PPDPFL: variants seen among roughly 807,000 people sequenced by gnomAD.
The protein encoded by PPDPFL is pancreatic progenitor cell differentiation and proliferation factor like, also known as pancreatic progenitor cell differentiation and proliferation factor-like protein.
Under a neutral mutation model 12.6 loss-of-function variants are expected in PPDPFL, and 12 were observed. The ratio of observed to expected loss-of-function variants is 0.95; its 90% CI spans 0.61 to 1.54. The LOEUF (loss-of-function observed/expected upper bound fraction) is 1.54, where lower values mean the gene tolerates loss of function less well. PPDPFL is among the 40% of genes most tolerant of loss of function. The probability of loss-of-function intolerance (pLI) is 0.00; values close to 1 mark genes in which losing one functional copy is unlikely to be tolerated. For missense variants in PPDPFL, 114 were observed against 96.0 expected, an observed-to-expected ratio of 1.19 and a Z score of -0.78; for synonymous variants, 24 against 32.7, an observed-to-expected ratio of 0.73 and a Z score of 0.91.
At chr8:49,057,258 C>CTAG (rs1808125081) in intron 1 of PPDPFL, among the ~76,000 whole-genome samples, 1 of 152,054 alleles carries the variant, frequency 6.6e-6, no homozygotes, top group African/African-American at 2.4e-5. Context: ...AAATATTTAT[C>CTAG]AACATTTTTA....
upstream of PPDPFL, among the ~76,000 whole-genome samples, chr8:49,070,355 G>C (rs1808358399): frequency 6.6e-6 from 1 of 152,192 alleles, no homozygotes; most frequent in Admixed American, 6.5e-5. Flanking sequence ...CGTGTTACCT[G>C]TGTAACAAAC....
intron 1 of PPDPFL, among the ~76,000 whole-genome samples, chr8:49,062,593 A>G (rs1267069045): frequency 6.6e-6 from 1 of 152,178 alleles, no homozygotes; most frequent in Non-Finnish European, 1.5e-5. Flanking sequence ...ATAGAGTAGG[A>G]AACCCTACTT....
At chr8:49,061,419 G>T (rs1485175203) in intron 1 of PPDPFL, among the ~76,000 whole-genome samples, 3 of 152,130 alleles carry the variant, frequency 2.0e-5, no homozygotes, top group African/African-American at 7.2e-5. Flanking sequence ...AATGTCTCTT[G>T]TTTAAGTCCC....
chr8:49,060,439 G>A (rs1444055915), intron 1 of PPDPFL, among the ~76,000 whole-genome samples: 4 of 151,892 alleles, frequency 2.6e-5, no homozygotes, highest in Non-Finnish European at 5.9e-5. Flanking sequence ...TCAGCCTCCC[G>A]AGTAGCTGGG....
At chr8:49,068,049 C>T (rs1221679442), upstream of PPDPFL, among the ~76,000 whole-genome samples, 1 of 152,098 alleles carries the variant, frequency 6.6e-6, no homozygotes, top group Non-Finnish European at 1.5e-5. Flanking sequence ...AATCTAAGCC[C>T]TGTTGTGACA....
In PPDPFL at chr8:49,075,506, CT is replaced by C. The variant is rs1279613594; in HGVS notation, c.*337del. ...AGTGTGCCTTTAGAAACAAGACACC[CT>C]TTTAAAGTAATATGTCTTCAAATGT... On this transcript the variant is annotated 3_prime_UTR_variant, in exon 5 of 5. Transcript: ENST00000522267. 1.1e-5 allele frequency: 6 copies of C among 563,160 alleles called. No homozygotes were observed. Among genetic ancestry groups the C allele is most frequent in the Non-Finnish European group, 1.9e-5 (6 of 316,220 alleles). 34.9% of individuals were successfully genotyped at this position (563,160 alleles called of 1,614,324 possible).
upstream of PPDPFL, among the ~76,000 whole-genome samples, chr8:49,069,315 G>A (rs1268846943): frequency 6.6e-6 from 1 of 152,176 alleles, no homozygotes; most frequent in Non-Finnish European, 1.5e-5. Flanking sequence ...CAATCTAGCA[G>A]ACACATGTAA....
At chr8:49,064,027 C>G (rs1808255338) in intron 1 of PPDPFL, among the ~76,000 whole-genome samples, 1 of 152,180 alleles carries the variant, frequency 6.6e-6, no homozygotes, top group African/African-American at 2.4e-5. Context: ...GCATAGAGCA[C>G]TTGCCTGACT....
chr8:49,057,251 T>TAGTCTCC (rs1808124886), intron 1 of PPDPFL, among the ~76,000 whole-genome samples: 1 of 152,210 alleles, frequency 6.6e-6, no homozygotes, highest in African/African-American at 2.4e-5. Flanking sequence ...TTTGATGAAA[T>TAGTCTCC]ATTTATCAAC....
Position 49,074,295 on chromosome 8 carries a change from G to A in PPDPFL, c.195G>A (p.Val65=). Residue 65 remains valine (V), a synonymous_variant, in exon 4 of 5, where the codon GTG becomes GTA. Coordinates refer to ENST00000522267, the MANE Select transcript of PPDPFL (RefSeq NM_001256597.2). Reference sequence around the variant, plus strand: ...AATCGTTTTTCCATTCTGAACCTGTGCTTTCAAATGTGAGAATAAAAGATC... The same window carrying A: ...AATCGTTTTTCCATTCTGAACCTGTACTTTCAAATGTGAGAATAAAAGATC... ...WFKSFFHSEP[V]LSNVRIKDLS... 1 of 1,613,994 alleles carries A rather than the reference G, an allele frequency of 6.2e-7. No individual in the cohort carries two copies. The highest frequency in any genetic ancestry group is 8.5e-7 in the Non-Finnish European group (1 of 1,179,878).
intron 1 of PPDPFL, among the ~76,000 whole-genome samples, chr8:49,063,518 G>A (rs888103420): frequency 5.3e-5 from 8 of 152,086 alleles, no homozygotes; most frequent in South Asian, 2.1e-4. Context: ...CCAGGATTTC[G>A]AGACCAGCCT....
intron 2 of PPDPFL, among the ~76,000 whole-genome samples, chr8:49,073,811 T>C (rs191043491): frequency 6.6e-6 from 1 of 152,346 alleles, no homozygotes; most frequent in East Asian, 1.9e-4. Context: ...AAATTCAACA[T>C]TGATATCCAA....
intron 1 of PPDPFL, among the ~76,000 whole-genome samples, chr8:49,064,399 A>C (rs1023015977): frequency 6.6e-6 from 1 of 152,104 alleles, no homozygotes; most frequent in Admixed American, 6.5e-5. Flanking sequence ...CAGGAATTAA[A>C]CTTCATCCCA....
chr8:49,057,583 T>C (rs992726091), intron 1 of PPDPFL, among the ~76,000 whole-genome samples: 7 of 152,160 alleles, frequency 4.6e-5, no homozygotes, highest in African/African-American at 1.7e-4. Flanking sequence ...AGATCAAAGA[T>C]ATTTTAGTGA....
chr8:49,074,379 T>C, intron 4 of PPDPFL, 46 bp downstream of exon 4: 1 of 1,594,874 alleles, frequency 6.3e-7, no homozygotes. Context: ...ACTTAGTGAA[T>C]GAAATAATGC....
At position 49,074,097 on chromosome 8, in the gene PPDPFL, G is replaced by T; in HGVS notation, c.94G>T (p.Asp32Tyr). ...VSSVSSLTSS[D>Y]SVNFIDDDKP... is the part of the protein sequence containing the mutation. ...TTCAGTTAGTTCTTTAACTAGCTCT[G>T]ATTCTGTTAACTTCATAGATGACGA... is the stretch of plus-strand genomic sequence containing the variant. The change falls in exon 3 of 5, where the codon GAT (aspartate) becomes TAT (tyrosine). Residue 32 changes from aspartate to tyrosine, a missense_variant. Transcript: ENST00000522267. 6.2e-7 allele frequency: 1 copy of T among 1,613,278 alleles called. No homozygotes were observed. Among genetic ancestry groups the T allele is most frequent in the Non-Finnish European group, 8.5e-7 (1 of 1,179,368 alleles).
chr8:49,074,357 A>T, intron 4 of PPDPFL, 24 bp downstream of exon 4: 1 of 1,606,372 alleles, frequency 6.2e-7, no homozygotes, highest in East Asian at 2.2e-5. Flanking sequence ...TTCTCTGGTA[A>T]GGGCAGTTCT....
intron 4 of PPDPFL, chr8:49,074,637 T>G (rs768772351): frequency 7.4e-5 from 113 of 1,532,510 alleles, no homozygotes; most frequent in Non-Finnish European, 9.6e-5. Flanking sequence ...GGGTCTAAAT[T>G]TGTTTTGCTC....
At chr8:49,064,371 T>C (rs917024977) in intron 1 of PPDPFL, among the ~76,000 whole-genome samples, 1 of 152,190 alleles carries the variant, frequency 6.6e-6, no homozygotes, top group Non-Finnish European at 1.5e-5. Flanking sequence ...CACTGTGACC[T>C]CAAGTCCTCT....
Sources: allele counts gnomAD v4.1 joint callset (sites outside exome capture counted in the v4.1 genomes callset), GRCh38; gene constraint gnomAD v4.1.1; transcripts MANE v1.5; gene names NCBI Gene and HGNC (gene_info 2026-07-23, HGNC 2026-07-21).